Variants in MACROD2 observed in about 807,000 individuals in gnomAD.
MACROD2 encodes the protein ADP-ribose glycohydrolase MACROD2.
In MACROD2, 36 loss-of-function variants were observed where a neutral mutation model predicts 70.4. The observed-to-expected ratio is 0.51, with a 90% CI of 0.39 to 0.68. The LOEUF is 0.68. Among genes scored for constraint, MACROD2 ranks in the 30% least tolerant of loss-of-function variants. The pLI is 0.00. For missense variants in MACROD2, 496 were observed against 538.4 expected (o/e 0.92, Z 0.78); for synonymous variants, 172 against 178.8 (o/e 0.96, Z 0.30).
chr20:15,324,961 A>G (rs893971022), intron 6 of MACROD2, among the ~76,000 whole-genome samples: 2 of 150,356 alleles, frequency 1.3e-5, no homozygotes, highest in South Asian at 2.2e-4. Flanking sequence ...TTCTGCTCCT[A>G]TGTAAAAGGG....
chr20:14,326,458 G>T lies in MACROD2; in HGVS notation c.272-167021G>T. The T allele has an allele frequency of 6.2e-7, 1 of 1,613,844 alleles. No homozygotes were observed. The highest frequency in any genetic ancestry group is 8.5e-7 in the Non-Finnish European group (1 of 1,179,842). ...ACTGTCCTTACAATCAAACAGTTCT[G>T]CATTGAGATCCTTAATAGCCATCCC... On this transcript the variant is annotated intron_variant, in intron 3 of 17. Coordinates refer to ENST00000684519, the MANE Select transcript of MACROD2 (RefSeq NM_001351661.2). This position sits in a 1 kb window ranked among gnomAD's most constrained non-coding sequence, Gnocchi z 5.5.
intron 8 of MACROD2, among the ~76,000 whole-genome samples, chr20:15,857,534 G>A (rs2064371023): frequency 6.6e-6 from 1 of 152,278 alleles, no homozygotes; most frequent in Admixed American, 6.5e-5. Context: ...AGAAGCTGTG[G>A]GGCCAGCTGC....
chr20:14,483,001 T>C (rs1264961739), intron 3 of MACROD2, among the ~76,000 whole-genome samples: 1 of 152,220 alleles, frequency 6.6e-6, no homozygotes, highest in Non-Finnish European at 1.5e-5. Context: ...TGGTACCTAC[T>C]TCATTAGCTT....
At chr20:15,232,302 T>C (rs907805036) in intron 6 of MACROD2, among the ~76,000 whole-genome samples, 10 of 152,072 alleles carry the variant, frequency 6.6e-5, no homozygotes, top group Admixed American at 1.3e-4. Flanking sequence ...GTAGACATGG[T>C]TGATATAAAA....
chr20:14,015,302 C>T (rs148139288), intron 2 of MACROD2, among the ~76,000 whole-genome samples: 4 of 152,310 alleles, frequency 2.6e-5, no homozygotes, highest in Middle Eastern at 3.4e-3. Context: ...AAACTTTGAG[C>T]TGGGTACAGT....
chr20:15,598,459 G>C (rs1434249673), intron 8 of MACROD2, among the ~76,000 whole-genome samples: 1 of 152,142 alleles, frequency 6.6e-6, no homozygotes, highest in Non-Finnish European at 1.5e-5. Context: ...AATACCCTCA[G>C]ATGCCCGACT....
chr20:15,168,251 G>A (rs1169225656), intron 5 of MACROD2, among the ~76,000 whole-genome samples: 2 of 151,984 alleles, frequency 1.3e-5, no homozygotes, highest in East Asian at 1.9e-4. Context: ...CCTTGGAGAC[G>A]GCACTGACTA....
At chr20:16,016,688 A>G (rs1049601827) in intron 15 of MACROD2, among the ~76,000 whole-genome samples, 6 of 152,052 alleles carry the variant, frequency 3.9e-5, no homozygotes, top group Non-Finnish European at 7.4e-5. Context: ...GGCACCTACT[A>G]CCACGCCTGG....
intron 5 of MACROD2, among the ~76,000 whole-genome samples, chr20:14,943,418 G>A (rs1945489907): frequency 6.6e-6 from 1 of 151,684 alleles, no homozygotes; most frequent in Non-Finnish European, 1.5e-5. Flanking sequence ...GATAGAAAAA[G>A]CAAGGCTTTT....
chr20:15,315,086 A>G (rs949021663), intron 6 of MACROD2, among the ~76,000 whole-genome samples: 3 of 152,218 alleles, frequency 2.0e-5, no homozygotes, highest in Non-Finnish European at 2.9e-5. Context: ...GCAAACTGGA[A>G]GTGGGTCAAT....
intron 8 of MACROD2, among the ~76,000 whole-genome samples, chr20:15,650,838 A>G (rs1490083300): frequency 6.6e-6 from 1 of 152,204 alleles, no homozygotes; most frequent in Admixed American, 6.5e-5. Flanking sequence ...TGCGCTTGCC[A>G]TTCCACACCT....
intron 6 of MACROD2, among the ~76,000 whole-genome samples, chr20:15,335,177 G>T (rs963314507): frequency 6.6e-6 from 1 of 151,756 alleles, no homozygotes; most frequent in African/African-American, 2.4e-5. Context: ...ACAACCCTAG[G>T]CCATGACAGT....
At chr20:14,146,479 C>G (rs1385116560) in intron 3 of MACROD2, among the ~76,000 whole-genome samples, 4 of 152,108 alleles carry the variant, frequency 2.6e-5, no homozygotes, top group South Asian at 2.1e-4. Flanking sequence ...TCCTTCTGTT[C>G]TAGTTAGCTG....
At chr20:14,463,169 A>G (rs1329852758) in intron 3 of MACROD2, among the ~76,000 whole-genome samples, 1 of 152,054 alleles carries the variant, frequency 6.6e-6, no homozygotes, top group Non-Finnish European at 1.5e-5. Flanking sequence ...ACCCATGAGC[A>G]TGGAATGTTC....
intron 8 of MACROD2, among the ~76,000 whole-genome samples, chr20:15,668,883 A>C (rs1329149478): frequency 6.6e-6 from 1 of 152,184 alleles, no homozygotes; most frequent in Non-Finnish European, 1.5e-5. Context: ...TTCTACATAG[A>C]TTAACTAGTA....
At chr20:15,448,776 C>T (rs2046602859) in intron 7 of MACROD2, among the ~76,000 whole-genome samples, 1 of 152,100 alleles carries the variant, frequency 6.6e-6, no homozygotes, top group African/African-American at 2.4e-5. Flanking sequence ...AGTTAGAGTT[C>T]TTATATTTAA....
intron 3 of MACROD2, among the ~76,000 whole-genome samples, chr20:14,354,633 G>A (rs2083156083): frequency 6.6e-6 from 1 of 152,044 alleles, no homozygotes; most frequent in African/African-American, 2.4e-5. Flanking sequence ...AGATTCACGG[G>A]TACCTGTGCA....
At chr20:15,513,046 C>T (rs1026580911) in intron 8 of MACROD2, among the ~76,000 whole-genome samples, 4 of 152,152 alleles carry the variant, frequency 2.6e-5, no homozygotes, top group African/African-American at 9.7e-5. Flanking sequence ...TTTCTAAGTT[C>T]CTCCTTCTAC....
chr20:14,823,582 G>A (rs552557051), intron 5 of MACROD2, among the ~76,000 whole-genome samples: 15 of 152,130 alleles, frequency 9.9e-5, no homozygotes, highest in East Asian at 3.9e-4. Context: ...CTAGAAAAGC[G>A]AAGTGGGAAA....
Sources: gnomAD v4.1 joint callset for allele counts (sites outside exome capture counted in the v4.1 genomes callset) on GRCh38, gnomAD v4.1.1 for gene constraint, Gnocchi (gnomAD v3.1) non-coding constraint, MANE v1.5 for transcripts, NCBI Gene and HGNC (gene_info 2026-07-23, HGNC 2026-07-21) for gene names.